Variants in TPO observed in about 807,000 individuals in gnomAD.
TPO encodes the protein thyroid peroxidase.
A neutral mutation model predicts 96.9 loss-of-function variants in TPO; 78 were observed. The observed-to-expected ratio is 0.81, with a 90% CI of 0.67 to 0.97. The LOEUF is 0.97. TPO is among the 50% of genes least tolerant of loss of function. The pLI is 0.00. For synonymous variants in TPO, 547 were observed against 538.0 expected (o/e 1.02, Z -0.23); for missense variants, 1,252 against 1,274.8 (o/e 0.98, Z 0.27).
intron 5 of TPO, 143 bp from the exon 6 acceptor site, chr2:1,453,551 C>A: frequency 7.6e-7 from 1 of 1,324,306 alleles, no homozygotes; most frequent in Non-Finnish European, 1.1e-6. Context: ...GGAGGCCTTT[C>A]GGGTCTTCTG....
chr2:1,434,965 C>A (rs9750182), intron 4 of TPO, among the ~76,000 whole-genome samples: 2 of 151,838 alleles, frequency 1.3e-5, no homozygotes, highest in Admixed American at 6.6e-5. Context: ...ATGAAGTCTC[C>A]CTCTGTCGCC....
chr2:1,521,908 G>A (rs541087283), intron 15 of TPO, among the ~76,000 whole-genome samples: 10 of 152,074 alleles, frequency 6.6e-5, no homozygotes, highest in African/African-American at 2.2e-4. Flanking sequence ...TCAGCTAAAC[G>A]CATTGTCCAG....
chr2:1,491,584 G>T (rs1382984938), intron 10 of TPO, among the ~76,000 whole-genome samples: 1 of 152,218 alleles, frequency 6.6e-6, no homozygotes, highest in Non-Finnish European at 1.5e-5. Flanking sequence ...TCACTAGTCT[G>T]AAAATAACTG....
intron 7 of TPO, among the ~76,000 whole-genome samples, chr2:1,460,634 G>A (rs1206682395): frequency 6.6e-6 from 1 of 152,246 alleles, no homozygotes; most frequent in African/African-American, 2.4e-5. Flanking sequence ...AATGAAATGA[G>A]ATCGAATTTG....
intron 2 of TPO, among the ~76,000 whole-genome samples, chr2:1,415,224 G>A (rs1662791684): frequency 6.8e-6 from 1 of 147,938 alleles, no homozygotes; most frequent in Non-Finnish European, 1.5e-5. Flanking sequence ...GGCCCCTGGA[G>A]CAGGTGACAC....
chr2:1,460,708 G>A (rs1289706070), intron 7 of TPO, among the ~76,000 whole-genome samples: 1 of 152,216 alleles, frequency 6.6e-6, no homozygotes, highest in African/African-American at 2.4e-5. Flanking sequence ...TGCTGGAAGC[G>A]TAGACCTCTG....
At chr2:1,386,067 G>T (rs1434619630) in intron 1 of TPO, among the ~76,000 whole-genome samples, 1 of 152,050 alleles carries the variant, frequency 6.6e-6, no homozygotes, top group Admixed American at 6.6e-5. Context: ...ATTTCACTAT[G>T]GTCTGAGAGA....
At chr2:1,476,567 A>G (rs970549784) in intron 7 of TPO, among the ~76,000 whole-genome samples, 9 of 152,246 alleles carry the variant, frequency 5.9e-5, no homozygotes, top group Admixed American at 5.2e-4. Flanking sequence ...AACCAAGTCC[A>G]TGGCACTGGA....
At chr2:1,496,814 T>C (rs1257674488) in intron 13 of TPO, 49 bp downstream of exon 13, 7 of 1,612,668 alleles carry the variant, frequency 4.3e-6, no homozygotes, top group African/African-American at 1.3e-5. Flanking sequence ...ATGTTTCCGA[T>C]ATAAGTTAAC....
chr2:1,493,487 C>CTGCTGCGCTTCCAGTCTCGGGGACCAT (rs1671999374), intron 10 of TPO, among the ~76,000 whole-genome samples: 1 of 140,326 alleles, frequency 7.1e-6, no homozygotes, highest in African/African-American at 2.5e-5. Flanking sequence ...GGACTCTGCC[C>CTGCTGCGCTTCCAGTCTCGGGGACCAT]GGCATCTGAG....
intron 3 of TPO, among the ~76,000 whole-genome samples, chr2:1,430,121 A>G (rs1271589464): frequency 6.6e-6 from 1 of 152,218 alleles, no homozygotes; most frequent in Non-Finnish European, 1.5e-5. Flanking sequence ...CCTTACTGTA[A>G]CAAGGCCAGA....
At chr2:1,538,102 GCAACCTCCTCAAATCCCCGCACTGTGTT>G (rs1237677667) in intron 15 of TPO, among the ~76,000 whole-genome samples, 7 of 111,204 alleles carry the variant, frequency 6.3e-5, no homozygotes, top group East Asian at 2.2e-4. Flanking sequence ...CCCACTGTGT[GCAACCTCCTCAAATCCCCGCACTGTGTT>G]CAACCTTCTC....
At chr2:1,478,806 A>T (rs540701209) in intron 8 of TPO, among the ~76,000 whole-genome samples, 1 of 150,680 alleles carries the variant, frequency 6.6e-6, no homozygotes, top group Non-Finnish European at 1.5e-5. Context: ...GCACACATCC[A>T]CACAGGAAAC....
intron 1 of TPO, among the ~76,000 whole-genome samples, chr2:1,374,592 G>A (rs142668293): frequency 9.7e-4 from 147 of 152,150 alleles, no homozygotes; most frequent in African/African-American, 3.4e-3. Context: ...TGCCCCTTTC[G>A]GGTTCTAAGT....
At chr2:1,375,889 A>G (rs187801165) in intron 1 of TPO, among the ~76,000 whole-genome samples, 1 of 152,246 alleles carries the variant, frequency 6.6e-6, no homozygotes, top group African/African-American at 2.4e-5. Flanking sequence ...GTGGGAAGAC[A>G]GGAGGATTTT....
At chr2:1,475,374 C>G (rs1669794849) in intron 7 of TPO, among the ~76,000 whole-genome samples, 1 of 151,748 alleles carries the variant, frequency 6.6e-6, no homozygotes, top group Non-Finnish European at 1.5e-5. Flanking sequence ...CTCGTCTACT[C>G]TAAGCCTCGC....
intron 15 of TPO, among the ~76,000 whole-genome samples, chr2:1,528,631 C>A (rs7369268): frequency 0.51 from 64,292 of 126,506 alleles, 16,586 homozygotes; most frequent in South Asian, 0.59. Context: ...CCCCAAATCC[C>A]CCCCACTGTG....
chr2:1,499,202 CT>C (rs1483673991), intron 13 of TPO, among the ~76,000 whole-genome samples: 1 of 152,048 alleles, frequency 6.6e-6, no homozygotes, highest in African/African-American at 2.4e-5. Context: ...GAGCTGCCCC[CT>C]GTGCGCGTGC....
chr2:1,418,128 C>CA (rs897785287), intron 2 of TPO, among the ~76,000 whole-genome samples: 25 of 151,082 alleles, frequency 1.7e-4, no homozygotes, highest in East Asian at 1.2e-3. Flanking sequence ...ACTAAAAATA[C>CA]AAAAAAAAAT....
Sources: allele counts gnomAD v4.1 joint callset (sites outside exome capture counted in the v4.1 genomes callset), GRCh38; gene constraint gnomAD v4.1.1; transcripts MANE v1.5; gene names NCBI Gene and HGNC (gene_info 2026-07-23, HGNC 2026-07-21).